Variants in PCDH15 observed in about 807,000 individuals in gnomAD.
PCDH15 encodes the protein protocadherin-15.
In PCDH15, 129 loss-of-function variants were observed where a neutral mutation model predicts 178.5. The ratio of observed to expected loss-of-function variants is 0.72; its 90% confidence interval spans 0.63 to 0.84. The LOEUF is 0.84. Among genes scored for constraint, PCDH15 ranks in the 40% least tolerant of loss-of-function variants. The pLI is 0.00. For synonymous variants in PCDH15, 800 were observed against 732.0 expected, an observed-to-expected ratio of 1.09 and a Z score of -1.50; for missense variants, 2,230 against 2,099.9, an observed-to-expected ratio of 1.06 and a Z score of -1.21.
At chr10:55,058,237 G>C (rs1388078003) in intron 2 of PCDH15, among the ~76,000 whole-genome samples, 1 of 151,836 alleles carries the variant, frequency 6.6e-6, no homozygotes, top group African/African-American at 2.4e-5. Flanking sequence ...TTGAGACAGG[G>C]TCTTTCTCTG....
At position 53,803,876 on chromosome 10, in the gene PCDH15, G is replaced by C. The variant is rs1025317135; in HGVS notation, c.*2703C>G. On this transcript the variant is annotated 3_prime_UTR_variant, in exon 38 of 38. Coordinates refer to ENST00000644397, the MANE Select transcript of PCDH15 (RefSeq NM_001384140.1). ...AGCTAGTGCTGATTGAGAACAACAA[G>C]AAAACCTTCCTACACCTTCCTAGGA... is the stretch of plus-strand genomic sequence containing the variant. 2.6e-5 allele frequency: 4 copies of C among 151,920 alleles called. No homozygotes were observed. Among genetic ancestry groups the C allele is most frequent in the Non-Finnish European group, 5.9e-5 (4 of 67,852 alleles). The allele number at this position is 151,920 out of a possible 1,614,324, so 9.4% of individuals were successfully genotyped here. A position where few individuals can be genotyped will look rare whatever the true frequency, so the allele number is the denominator to read the frequency against.
intron 2 of PCDH15, among the ~76,000 whole-genome samples, chr10:54,559,870 A>G (rs973910602): frequency 1.8e-5 from 1 of 54,326 alleles, no homozygotes; most frequent in African/African-American, 4.6e-5. Flanking sequence ...AAAAAAAAAA[A>G]AAAAGAAAAG....
intron 2 of PCDH15, among the ~76,000 whole-genome samples, chr10:54,990,013 G>C (rs1564694356): frequency 6.6e-6 from 1 of 152,290 alleles, no homozygotes; most frequent in East Asian, 1.9e-4. Flanking sequence ...TGCCCTCCAT[G>C]TAAGATGTGA....
At chr10:54,329,533 T>G in intron 7 of PCDH15, 63 bp downstream of exon 7, 3 of 1,227,284 alleles carry the variant, frequency 2.4e-6, no homozygotes, top group Non-Finnish European at 3.6e-6. Context: ...ATCTGATACA[T>G]TTTGGATGAG....
At chr10:54,888,725 C>A (rs1954405458) in intron 3 of PCDH15, among the ~76,000 whole-genome samples, 1 of 142,480 alleles carries the variant, frequency 7.0e-6, no homozygotes, top group African/African-American at 2.5e-5. Context: ...TGATGTTCAG[C>A]ACATTTTCCT....
intron 13 of PCDH15, among the ~76,000 whole-genome samples, chr10:54,163,789 AGAGTAATCAATGATTACT>A (rs1223747393): frequency 3.3e-5 from 5 of 152,184 alleles, no homozygotes; most frequent in African/African-American, 1.2e-4. Context: ...GAATGATTAC[AGAGTAATCAATGATTACT>A]GAAATAACAA....
Position 53,827,396 on chromosome 10 carries a change from G to A in PCDH15, c.4364C>T (p.Ser1455Leu). 6.2e-7 allele frequency: 1 copy of A among 1,611,604 alleles called. No homozygotes were observed. The highest frequency in any genetic ancestry group is 8.5e-7 in the Non-Finnish European group (1 of 1,178,410). ...AHLYEELGDS[S>L]IWSFCWQLVI... ...AGTTCCTGAACGGTCTACTTACATT[G>A]AGCTGTCTCCAAGTTCTTCATAGAG... Residue 1455 changes from serine to leucine, a missense_variant, in exon 32 of 38, where the codon TCA becomes TTA. Ser to Leu is a moderately radical substitution (Grantham distance 145, BLOSUM62 -2). Transcript: ENST00000644397.
intron 1 of PCDH15, among the ~76,000 whole-genome samples, chr10:54,721,690 T>C (rs781658009): frequency 1.3e-5 from 2 of 151,790 alleles, no homozygotes; most frequent in Admixed American, 6.6e-5. Flanking sequence ...AAATCCTAAA[T>C]AGACCCATAA....
chr10:54,023,395 T>A (rs2092987858), intron 18 of PCDH15, among the ~76,000 whole-genome samples, 198 bp from the exon 19 acceptor site: 1 of 151,608 alleles, frequency 6.6e-6, no homozygotes, highest in Non-Finnish European at 1.5e-5. Flanking sequence ...CATTTAAAAT[T>A]AACATAACAA....
intron 13 of PCDH15, among the ~76,000 whole-genome samples, chr10:54,173,823 A>G (rs1036210945): frequency 1.5e-4 from 23 of 152,168 alleles, no homozygotes; most frequent in African/African-American, 5.5e-4. Flanking sequence ...AAATTTTTAA[A>G]TGTGCTGTGA....
In PCDH15 at chr10:55,070,054, T is replaced by C. The variant is rs1195245330; in HGVS notation, c.-80+96522A>G. 4.0e-5 allele frequency among the ~76,000 whole-genome samples: 6 copies of C among 151,752 alleles called. No homozygotes were observed. In the East Asian group the frequency reaches 1.2e-3, roughly 30 times the overall value. On this transcript the variant is annotated intron_variant, in intron 2 of 5. Coordinates refer to the PCDH15 transcript ENST00000458638. ...TGATGATGAGTATTTTTTCATGTGT[T>C]TTTTGGCTGCATAAATGTCTTCTTT...
At chr10:54,627,076 G>A (rs1221707653) in intron 2 of PCDH15, among the ~76,000 whole-genome samples, 1 of 152,264 alleles carries the variant, frequency 6.6e-6, no homozygotes, top group East Asian at 1.9e-4. Context: ...TGGAATGGCT[G>A]TATTTTCCCA....
At chr10:54,226,928 C>T (rs2053521120) in intron 9 of PCDH15, among the ~76,000 whole-genome samples, 1 of 152,194 alleles carries the variant, frequency 6.6e-6, no homozygotes, top group Non-Finnish European at 1.5e-5. Context: ...ATCCAGGTCA[C>T]ACTGATGTAA....
In PCDH15 at chr10:54,774,629, A is replaced by T. The variant is rs144845484; in HGVS notation, c.-29+26296T>A. 2.2e-3 allele frequency among the ~76,000 whole-genome samples: 338 copies of T among 152,292 alleles called. 2 individuals are homozygous for T. The highest frequency in any genetic ancestry group is 6.5e-3 in the African/African-American group (272 of 41,568). On this transcript the variant is annotated intron_variant, in intron 1 of 37. Transcript: ENST00000644397. ...TGTTTTAACAAACTCTGTATACTTA[A>T]ATTCACCAGTGGTTAGTTATCCCAG...
rs183296011 is a variant in PCDH15, at chr10:54,234,259, G to A, written c.985+2564C>T. Among the ~76,000 whole-genome samples, 23 of 151,402 alleles carry A rather than the reference G, an allele frequency of 1.5e-4. No homozygotes were observed. The East Asian group carries it at 4.5e-3, about 30-fold the overall frequency. On this transcript the variant is annotated intron_variant, in intron 9 of 37. Transcript: ENST00000644397. Reference sequence around the variant, plus strand: ...AACATGCCTTATTTTCCTTCCTAATGCTAATAACAATGTCAACTAAAATGT... The same window carrying A: ...AACATGCCTTATTTTCCTTCCTAATACTAATAACAATGTCAACTAAAATGT...
chr10:55,121,841 C>A (rs1350845509), intron 2 of PCDH15, among the ~76,000 whole-genome samples: 1 of 151,982 alleles, frequency 6.6e-6, no homozygotes, highest in African/African-American at 2.4e-5. Context: ...AAGCAGAGAG[C>A]CAGCCTTCAG....
At chr10:55,424,541 C>T (rs1838704637) in intron 2 of PCDH15, among the ~76,000 whole-genome samples, 1 of 152,008 alleles carries the variant, frequency 6.6e-6, no homozygotes, top group Non-Finnish European at 1.5e-5. Flanking sequence ...AGGCATCTAC[C>T]CTGCTAATGA....
intron 2 of PCDH15, among the ~76,000 whole-genome samples, chr10:55,110,010 G>A (rs1014295257): frequency 2.6e-5 from 4 of 150,946 alleles, no homozygotes; most frequent in African/African-American, 7.3e-5. Context: ...TATGCATAAA[G>A]GTATATATAT....
At chr10:55,095,144 A>G (rs563893946) in intron 2 of PCDH15, among the ~76,000 whole-genome samples, 1 of 151,854 alleles carries the variant, frequency 6.6e-6, no homozygotes, top group Admixed American at 6.6e-5. Flanking sequence ...GTCTCCTTAT[A>G]TTGCTCAGGC....
Sources: allele counts gnomAD v4.1 joint callset (sites outside exome capture counted in the v4.1 genomes callset), GRCh38; gene constraint gnomAD v4.1.1; transcripts MANE v1.5; gene names NCBI Gene and HGNC (gene_info 2026-07-23, HGNC 2026-07-21).